The following ATP8B4 variants were observed in gnomAD, a reference collection of about 807,000 sequenced individuals.
ATP8B4 encodes ATPase phospholipid transporting 8B4 (putative), also known as probable phospholipid-transporting ATPase IM.
Under a neutral mutation model 145.6 loss-of-function variants are expected in ATP8B4, and 133 were observed. The observed-to-expected ratio is 0.91, with a 90% CI of 0.79 to 1.05. The LOEUF (loss-of-function observed/expected upper bound fraction) is 1.05. Among genes scored for constraint, ATP8B4 ranks in the 50% least tolerant of loss-of-function variants. The pLI is 0.00. For synonymous variants in ATP8B4, 507 were observed against 492.9 expected (o/e 1.03, Z -0.38); for missense variants, 1,458 against 1,425.2 (o/e 1.02, Z -0.37).
At chr15:49,998,359 G>C (rs2047596985) in intron 8 of ATP8B4, among the ~76,000 whole-genome samples, 1 of 152,194 alleles carries the variant, frequency 6.6e-6, no homozygotes, top group African/African-American at 2.4e-5. Flanking sequence ...CCCACCAACA[G>C]TGTAAAAGTG....
At chr15:50,138,258 G>A (rs1050460061) in intron 1 of ATP8B4, among the ~76,000 whole-genome samples, 1 of 152,074 alleles carries the variant, frequency 6.6e-6, no homozygotes, top group Admixed American at 6.6e-5. Context: ...TCAAAGGTGT[G>A]TGTACATGAT....
At chr15:50,141,947 C>T (rs558234300) in intron 1 of ATP8B4, among the ~76,000 whole-genome samples, 1 of 152,258 alleles carries the variant, frequency 6.6e-6, no homozygotes, top group Admixed American at 6.5e-5. Context: ...AACTTCTCTG[C>T]TTGAGGAGGG....
chr15:49,860,182 A>C lies in ATP8B4; in HGVS notation c.*12T>G, dbSNP rs1302354385. On this transcript the variant is annotated 3_prime_UTR_variant, in exon 28 of 28. Transcript: ENST00000284509. ...GTGAAAAGATAACTACGTGGTTTAA[A>C]TTCATATTGACTCACAGTTTCACTG... 1.3e-6 allele frequency: 2 copies of C among 1,597,804 alleles called. No homozygotes were observed. Among genetic ancestry groups the C allele is most frequent in the East Asian group, 4.5e-5 (2 of 44,682 alleles).
At chr15:49,887,568 C>T (rs1461809167) in intron 23 of ATP8B4, among the ~76,000 whole-genome samples, 1 of 152,038 alleles carries the variant, frequency 6.6e-6, no homozygotes, top group African/African-American at 2.4e-5. Flanking sequence ...ATATTTGTTC[C>T]CTATCTCCAA....
At chr15:50,109,086 G>C (rs181677532) in intron 1 of ATP8B4, among the ~76,000 whole-genome samples, 51 of 152,254 alleles carry the variant, frequency 3.3e-4, no homozygotes, top group African/African-American at 1.2e-3. Flanking sequence ...GCTCCCTCCT[G>C]TTTTCTGGTC....
intron 27 of ATP8B4, among the ~76,000 whole-genome samples, chr15:49,861,646 T>G (rs2031837693): frequency 6.6e-6 from 1 of 152,210 alleles, no homozygotes; most frequent in Non-Finnish European, 1.5e-5. Flanking sequence ...ATTGTCCTAC[T>G]TACTCCTCTT....
intron 14 of ATP8B4, among the ~76,000 whole-genome samples, chr15:49,946,318 A>G (rs1055723319): frequency 6.6e-6 from 1 of 152,228 alleles, no homozygotes; most frequent in African/African-American, 2.4e-5. Context: ...ACTTGTAGTA[A>G]ATTCTTATGA....
intron 16 of ATP8B4, among the ~76,000 whole-genome samples, chr15:49,925,852 A>C (rs2153459769): frequency 6.6e-6 from 1 of 151,998 alleles, no homozygotes; most frequent in South Asian, 2.1e-4. Flanking sequence ...GTTTCTGTTC[A>C]AAGTTAATAA....
rs569284138 is a variant in ATP8B4, at chr15:49,884,551, G to A, written c.2698-5092C>T. Among the ~76,000 whole-genome samples the A allele has an allele frequency of 6.0e-3, 841 of 139,828 alleles. 4 individuals carry two copies. The highest frequency in any genetic ancestry group is 9.0e-3 in the Non-Finnish European group (599 of 66,256). 91.7% of individuals were successfully genotyped at this position (139,828 alleles called of 152,430 possible). On this transcript the variant is annotated intron_variant, in intron 23 of 27. Transcript: ENST00000284509. ...TGGGAGGCAGAGGCTGCAGTGAGCCGAGATCATACCACTGCACTCCAGCCT... is the reference window on the plus strand; with the variant it reads ...TGGGAGGCAGAGGCTGCAGTGAGCCAAGATCATACCACTGCACTCCAGCCT...
At position 49,879,335 on chromosome 15, in the gene ATP8B4, T is replaced by C. The variant is rs774623385; in HGVS notation, c.2781+41A>G. The C allele has an allele frequency of 4.5e-6, 7 of 1,541,684 alleles. No homozygotes were observed. The South Asian group carries it at 8.2e-5, about 18-fold the overall frequency. ...AGAACCCACAAAAAACTAAAAGGCA[T>C]AAAAGAGAAACTAAGTTATAAAGAT... On this transcript the variant is annotated intron_variant, in intron 24 of 27. Coordinates refer to ENST00000284509, the MANE Select transcript of ATP8B4 (RefSeq NM_024837.4).
At chr15:49,991,725 T>G (rs2153548441) in intron 9 of ATP8B4, among the ~76,000 whole-genome samples, 1 of 152,286 alleles carries the variant, frequency 6.6e-6, no homozygotes, top group Non-Finnish European at 1.5e-5. Flanking sequence ...AACTCTCTTG[T>G]GTGCACTGGT....
intron 1 of ATP8B4, among the ~76,000 whole-genome samples, chr15:50,134,608 T>C (rs578236666): frequency 2.0e-5 from 3 of 152,344 alleles, no homozygotes; most frequent in Non-Finnish European, 4.4e-5. Flanking sequence ...AAAAAACATA[T>C]GTTAGGGTTA....
At chr15:49,978,815 G>GTGT (rs2045910091) in intron 12 of ATP8B4, among the ~76,000 whole-genome samples, 1 of 145,222 alleles carries the variant, frequency 6.9e-6, no homozygotes, top group South Asian at 2.2e-4. Flanking sequence ...AATAAAGAGG[G>GTGT]GTGTGTGTGT....
chr15:50,029,546 T>TA (rs1465291774), intron 6 of ATP8B4, among the ~76,000 whole-genome samples: 6 of 152,184 alleles, frequency 3.9e-5, no homozygotes, highest in Non-Finnish European at 5.9e-5. Flanking sequence ...AGGATGATCT[T>TA]ACCTCAAGAT....
At chr15:50,042,965 A>G (rs1600025252) in intron 5 of ATP8B4, among the ~76,000 whole-genome samples, 1 of 152,228 alleles carries the variant, frequency 6.6e-6, no homozygotes, top group East Asian at 1.9e-4. Context: ...ATTATATTAA[A>G]CATAAATGGG....
At position 49,988,486 on chromosome 15, in the gene ATP8B4, A is replaced by G. The variant is rs566625037; in HGVS notation, c.590-937T>C. Reference sequence around the variant, plus strand: ...AAGGAAAAAAGAGAGGGGAGATATGAAAAAGGAAGCTGTGGGTAGATCCAA... The same window carrying G: ...AAGGAAAAAAGAGAGGGGAGATATGGAAAAGGAAGCTGTGGGTAGATCCAA... On this transcript the variant is annotated intron_variant, in intron 9 of 27. Transcript: ENST00000284509. Among the ~76,000 whole-genome samples, 112 of 152,232 alleles carry G rather than the reference A, an allele frequency of 7.4e-4. 1 individual carries two copies. The highest frequency in any genetic ancestry group is 2.6e-3 in the African/African-American group (109 of 41,542).
At chr15:50,160,687 A>C (rs2140840415) in intron 1 of ATP8B4, among the ~76,000 whole-genome samples, 1 of 151,616 alleles carries the variant, frequency 6.6e-6, no homozygotes, top group South Asian at 2.1e-4. Flanking sequence ...TAGTTACCAA[A>C]ATTCCTCTTG....
At chr15:49,969,522 A>G (rs1427159798) in intron 13 of ATP8B4, among the ~76,000 whole-genome samples, 1 of 152,226 alleles carries the variant, frequency 6.6e-6, no homozygotes, top group Non-Finnish European at 1.5e-5. Flanking sequence ...TAGAAAATCT[A>G]GAAGAAATGG....
chr15:49,964,892 C>CA (rs955136021), intron 13 of ATP8B4, among the ~76,000 whole-genome samples: 8 of 151,694 alleles, frequency 5.3e-5, no homozygotes, highest in South Asian at 2.1e-4. Flanking sequence ...CAATATGTGG[C>CA]AAAAAAAATC....
Sources: allele counts gnomAD v4.1 joint callset (sites outside exome capture counted in the v4.1 genomes callset), GRCh38; gene constraint gnomAD v4.1.1; transcripts MANE v1.5; gene names NCBI Gene and HGNC (gene_info 2026-07-23, HGNC 2026-07-21).